Variants in SGK3 observed in about 807,000 individuals in gnomAD.
SGK3 encodes the protein serine/threonine-protein kinase Sgk3.
A neutral mutation model predicts 68.5 loss-of-function variants in SGK3; 47 were observed. The observed-to-expected ratio is 0.69, with a 90% CI of 0.54 to 0.87. The LOEUF is 0.87. SGK3 is among the 40% of genes least tolerant of loss of function. The probability of loss-of-function intolerance (pLI) is 0.00; values close to 1 mark genes in which losing one functional copy is unlikely to be tolerated. For synonymous variants in SGK3, 181 were observed against 189.1 expected, an observed-to-expected ratio of 0.96 and a Z score of 0.35; for missense variants, 479 against 575.5, an observed-to-expected ratio of 0.83 and a Z score of 1.72.
intron 1 of SGK3, among the ~76,000 whole-genome samples, 182 bp downstream of exon 1, chr8:66,713,015 G>A (rs1804534574): frequency 6.6e-6 from 1 of 152,226 alleles, no homozygotes; most frequent in Non-Finnish European, 1.5e-5. Context: ...TCCACGAGGT[G>A]AATTCAGATC....
chr8:66,767,734 T>G, intron 1 of SGK3: 4 of 1,541,498 alleles, frequency 2.6e-6, no homozygotes, highest in Non-Finnish European at 3.6e-6. Context: ...AGTCATCTTT[T>G]TGGCAGAAAA....
At chr8:66,823,781 C>T (rs1169892778) in intron 6 of SGK3, among the ~76,000 whole-genome samples, 1 of 151,894 alleles carries the variant, frequency 6.6e-6, no homozygotes, top group Non-Finnish European at 1.5e-5. Context: ...ATTTACCATT[C>T]GAAGGTTATG....
chr8:66,761,633 G>T (rs1806166923), intron 1 of SGK3, among the ~76,000 whole-genome samples: 1 of 152,106 alleles, frequency 6.6e-6, no homozygotes, highest in Admixed American at 6.5e-5. Flanking sequence ...GCTGAGTGTG[G>T]TGATGCATAC....
intron 1 of SGK3, among the ~76,000 whole-genome samples, chr8:66,723,112 TATATATATATATA>T (rs1282452742): frequency 4.5e-4 from 23 of 50,706 alleles, no homozygotes; most frequent in Non-Finnish European, 5.8e-4. Flanking sequence ...TATATATATA[TATATATATATATA>T]TATATATTTT....
chr8:66,847,447 A>G (rs913572911), intron 15 of SGK3, 99 bp downstream of exon 15: 1 of 1,498,976 alleles, frequency 6.7e-7, no homozygotes, highest in Admixed American at 2.4e-5. Context: ...TGAATACAAT[A>G]TGCGGAGAAT....
rs757878685 is a variant in SGK3 at position 66,744,531 on chromosome 8, T to TGTTTTG, written c.-122+31698_-122+31699insGTTTTG. On this transcript the variant is annotated intron_variant, in intron 1 of 16. Coordinates refer to ENST00000521198, the MANE Select transcript of SGK3 (RefSeq NM_001033578.3). ...TATATATATATATATTTTTTTTTTT[T>TGTTTTG]TTTTTTTTTTTTTTAGATGGAGTCT... 2.5e-3 allele frequency among the ~76,000 whole-genome samples: 264 copies of TGTTTTG among 107,676 alleles called. 9 individuals are homozygous for TGTTTTG. Among genetic ancestry groups the TGTTTTG allele is most frequent in the African/African-American group, 8.9e-3 (234 of 26,234 alleles). 70.6% of individuals were successfully genotyped at this position (107,676 alleles called of 152,430 possible).
intron 6 of SGK3, among the ~76,000 whole-genome samples, chr8:66,827,203 G>A (rs992173862): frequency 2.6e-5 from 4 of 151,114 alleles, no homozygotes; most frequent in African/African-American, 7.3e-5. Flanking sequence ...TCAACATGGC[G>A]AAACCCTATA....
chr8:66,812,785 A>G (rs931702469), intron 4 of SGK3, among the ~76,000 whole-genome samples: 12 of 152,234 alleles, frequency 7.9e-5, no homozygotes, highest in African/African-American at 2.7e-4. Context: ...ACAAGTAAAA[A>G]TATGAGTCTT....
rs755143437 is a variant in SGK3, at chr8:66,822,421, G to C, written c.379G>C (p.Asp127His). 5.5e-5 allele frequency: 88 copies of C among 1,611,380 alleles called. No homozygotes were observed. Among genetic ancestry groups the C allele is most frequent in the Non-Finnish European group, 7.5e-5 (88 of 1,178,748 alleles). The change falls in exon 6 of 17, where the codon GAT becomes CAT. Residue 127 changes from aspartate (D) to histidine (H), a missense_variant. Physicochemically the swap from Asp to His is moderately conservative, Grantham distance 81. This residue lies in a region of SGK3 where 298 missense variants were observed against 329.4 expected (regional missense o/e 0.90). Transcript: ENST00000521198. ...LQMDSPKHQS[D>H]PSEDEDERSS... ...AATGGACAGTCCAAAACACCAGTCA[G>C]ATCCATCTGAAGATGAGGATGAAAG...
chr8:66,788,800 T>C (rs1419282224), intron 1 of SGK3, among the ~76,000 whole-genome samples: 1 of 152,206 alleles, frequency 6.6e-6, no homozygotes, highest in East Asian at 1.9e-4. Context: ...CATGAGTTTT[T>C]TTCCATCCTC....
chr8:66,768,206 C>G (rs1317617239), intron 1 of SGK3, among the ~76,000 whole-genome samples: 1 of 151,918 alleles, frequency 6.6e-6, no homozygotes, highest in Non-Finnish European at 1.5e-5. Flanking sequence ...AGATATAAAC[C>G]CACCATAAGT....
At chr8:66,784,930 G>T (rs1014152154) in intron 1 of SGK3, among the ~76,000 whole-genome samples, 1 of 151,926 alleles carries the variant, frequency 6.6e-6, no homozygotes, top group African/African-American at 2.4e-5. Flanking sequence ...CTTTTCTTGT[G>T]TCCTCCTTAT....
In SGK3 at chr8:66,798,564, T is replaced by C; in HGVS notation, c.119T>C (p.Val40Ala). 4 of 1,611,088 alleles carry C rather than the reference T, an allele frequency of 2.5e-6. No individual in the cohort carries two copies. Among genetic ancestry groups the C allele is most frequent in the Non-Finnish European group, 3.4e-6 (4 of 1,178,400 alleles). The change falls in exon 3 of 17, where the codon GTG becomes GCG. Residue 40 changes from valine to alanine, a missense_variant. By Grantham distance (64) the Val-to-Ala change is moderately conservative. Around this residue, in one of 3 missense-constraint regions of SGK3, gnomAD observed 298 missense variants for 329.4 expected, o/e 0.90. Coordinates refer to ENST00000521198, the MANE Select transcript of SGK3 (RefSeq NM_001033578.3). ...RFTVYKVLVSVGRSEWFVFRR... is the reference protein window; with the variant it reads ...RFTVYKVLVSAGRSEWFVFRR... Reference sequence around the variant, plus strand: ...CAGGTTTATAAAGTTCTGGTTTCAGTGGGAAGAAGTGAATGGTTTGTCTTC... The same window carrying C: ...CAGGTTTATAAAGTTCTGGTTTCAGCGGGAAGAAGTGAATGGTTTGTCTTC...
chr8:66,772,630 G>A (rs1448571914), intron 1 of SGK3, among the ~76,000 whole-genome samples: 2 of 149,708 alleles, frequency 1.3e-5, no homozygotes, highest in East Asian at 2.0e-4. Context: ...GTGCAATCTC[G>A]GCTCACTGCA....
chr8:66,847,043 C>CTGA lies in SGK3; in HGVS notation c.1075-149_1075-148insGAT, dbSNP rs981128772. ...TGTGTTCGGTTTTAGAATCTCTTTG[C>CTGA]TTCAGGAAGCCACACTGCAGGTGTC... On this transcript the variant is annotated intron_variant, in intron 14 of 16. Transcript: ENST00000521198. The CTGA allele has an allele frequency of 9.0e-6, 10 of 1,113,312 alleles. No homozygotes were observed. The African/African-American group carries it at 1.6e-4, about 17-fold the overall frequency. 69.0% of individuals were successfully genotyped at this position (1,113,312 alleles called of 1,614,324 possible).
At position 66,760,330 on chromosome 8, in the gene SGK3, CTTTTTT is replaced by C. The variant is rs201559163; in HGVS notation, c.-121-33269_-121-33264del. ...GCTTACTTTGTTCATTTTCTTTTTT[CTTTTTT>C]TTTTTTTTTTTTTTTTGAGACGGAG... On this transcript the variant is annotated intron_variant, in intron 1 of 16. Transcript: ENST00000521198. 4.7e-4 allele frequency among the ~76,000 whole-genome samples: 54 copies of C among 115,650 alleles called. 2 individuals carry two copies. Among genetic ancestry groups the C allele is most frequent in the African/African-American group, 1.6e-3 (50 of 31,010 alleles). The allele number at this position is 115,650 out of a possible 152,430, so 75.9% of individuals were successfully genotyped here.
At chr8:66,763,586 C>T (rs1374243861) in intron 1 of SGK3, among the ~76,000 whole-genome samples, 1 of 151,896 alleles carries the variant, frequency 6.6e-6, no homozygotes, top group Non-Finnish European at 1.5e-5. Context: ...CTGATTTTAG[C>T]TTTTTCCATG....
At chr8:66,716,285 T>C (rs1427401708) in intron 1 of SGK3, among the ~76,000 whole-genome samples, 1 of 152,170 alleles carries the variant, frequency 6.6e-6, no homozygotes, top group Non-Finnish European at 1.5e-5. Flanking sequence ...TAGTTTTAAC[T>C]CAATGCTAAC....
At chr8:66,732,821 G>T (rs1423662628) in intron 1 of SGK3, among the ~76,000 whole-genome samples, 1 of 151,912 alleles carries the variant, frequency 6.6e-6, no homozygotes, top group Non-Finnish European at 1.5e-5. Context: ...CTCCAGCGTG[G>T]GCAACAGACT....
Sources: gnomAD v4.1 joint callset for allele counts (sites outside exome capture counted in the v4.1 genomes callset) on GRCh38, gnomAD v4.1.1 for gene constraint, gnomAD v4.1.1 regional missense constraint, MANE v1.5 for transcripts, NCBI Gene and HGNC (gene_info 2026-07-23, HGNC 2026-07-21) for gene names.